Variants in EFHD1 observed in about 807,000 individuals in gnomAD.
The protein encoded by EFHD1 is EF-hand domain family member D1, also known as EF-hand domain-containing protein D1.
Under a neutral mutation model 17.2 loss-of-function variants are expected in EFHD1, and 10 were observed. The ratio of observed to expected loss-of-function variants is 0.58; its 90% CI spans 0.36 to 0.99. The LOEUF (loss-of-function observed/expected upper bound fraction) is 0.99. EFHD1 is among the 50% of genes least tolerant of loss of function. The pLI, the probability that EFHD1 is intolerant of heterozygous loss-of-function variation, is 0.01. For synonymous variants in EFHD1, 153 were observed against 142.0 expected, an observed-to-expected ratio of 1.08 and a Z score of -0.55; for missense variants, 310 against 327.5, an observed-to-expected ratio of 0.95 and a Z score of 0.41.
At chr2:232,622,113 G>T (rs59035839) in intron 1 of EFHD1, among the ~76,000 whole-genome samples, 35,326 of 151,938 alleles carry the variant, frequency 0.23, 4,590 homozygotes, top group East Asian at 0.58. Context: ...TCTACAAAGG[G>T]TAGACAGCCC....
At position 232,676,501 on chromosome 2, in the gene EFHD1, A is replaced by G. The variant is rs138405868; in HGVS notation, c.585+4058A>G. Among the ~76,000 whole-genome samples the G allele has an allele frequency of 2.3e-3, 353 of 152,270 alleles. 6 individuals carry two copies. The highest frequency in any genetic ancestry group is 0.017 in the Admixed American group (266 of 15,284). Reference sequence around the variant, plus strand: ...GAGTAATTTCTTCCACACATGCCCAATTCTGAACCTGCCATTGGAAAACGC... The same window carrying G: ...GAGTAATTTCTTCCACACATGCCCAGTTCTGAACCTGCCATTGGAAAACGC... On this transcript the variant is annotated intron_variant, in intron 3 of 3. Coordinates refer to ENST00000264059, the MANE Select transcript of EFHD1 (RefSeq NM_025202.4).
At chr2:232,678,701 T>A (rs1695222265) in intron 3 of EFHD1, among the ~76,000 whole-genome samples, 1 of 152,200 alleles carries the variant, frequency 6.6e-6, no homozygotes, top group Admixed American at 6.6e-5. Flanking sequence ...GAGAATTGCT[T>A]GAACCTGGGA....
chr2:232,665,049 C>G, intron 2 of EFHD1, among the ~76,000 whole-genome samples: 1 of 151,962 alleles, frequency 6.6e-6, no homozygotes, highest in African/African-American at 2.4e-5. Flanking sequence ...GTAGCTGGAC[C>G]ACAGGCACGT....
chr2:232,657,294 C>A (rs1694780193), intron 1 of EFHD1, among the ~76,000 whole-genome samples: 1 of 152,204 alleles, frequency 6.6e-6, no homozygotes. Context: ...CTCTAGGGAC[C>A]TGATAAGTGA....
intron 1 of EFHD1, among the ~76,000 whole-genome samples, chr2:232,612,324 T>C (rs1693827199): frequency 6.6e-6 from 1 of 152,146 alleles, no homozygotes; most frequent in African/African-American, 2.4e-5. Context: ...GGAGAAAATA[T>C]TTTAAAAGAC....
chr2:232,614,053 T>TAC (rs1693872112), intron 1 of EFHD1, among the ~76,000 whole-genome samples: 4 of 108,074 alleles, frequency 3.7e-5, no homozygotes, highest in African/African-American at 9.2e-5. Flanking sequence ...AACACACACA[T>TAC]ACATACACAT....
intron 1 of EFHD1, among the ~76,000 whole-genome samples, chr2:232,623,545 G>C (rs1042278962): frequency 6.6e-6 from 1 of 151,574 alleles, no homozygotes; most frequent in Non-Finnish European, 1.5e-5. Context: ...GTGGTGGCAG[G>C]TGCCTGTAAT....
chr2:232,614,085 A>ACACACAT (rs1222284073), intron 1 of EFHD1, among the ~76,000 whole-genome samples: 10 of 44,366 alleles, frequency 2.3e-4, no homozygotes, highest in East Asian at 8.3e-4. Context: ...ATACACACAT[A>ACACACAT]TATACACACA....
At chr2:232,647,427 C>T (rs1289611003) in intron 1 of EFHD1, among the ~76,000 whole-genome samples, 2 of 152,226 alleles carry the variant, frequency 1.3e-5, no homozygotes, top group African/African-American at 4.8e-5. Context: ...CACACCCCCT[C>T]GTCGGGGCCT....
intron 1 of EFHD1, among the ~76,000 whole-genome samples, chr2:232,652,611 C>A (rs916491678): frequency 6.6e-6 from 1 of 152,030 alleles, no homozygotes; most frequent in Non-Finnish European, 1.5e-5. Flanking sequence ...TAAAGGCAGG[C>A]GGCTGTGATT....
At chr2:232,636,295 C>G (rs1694319205) in intron 1 of EFHD1, among the ~76,000 whole-genome samples, 1 of 152,176 alleles carries the variant, frequency 6.6e-6, no homozygotes, top group East Asian at 1.9e-4. Flanking sequence ...GGTTCAAACC[C>G]CAGCCCCACC....
At chr2:232,623,668 C>T (rs1185894069) in intron 1 of EFHD1, among the ~76,000 whole-genome samples, 5 of 78,278 alleles carry the variant, frequency 6.4e-5, no homozygotes, top group Admixed American at 4.0e-4. Flanking sequence ...GAGTGAGTCT[C>T]TGTCCAAAAA....
intron 1 of EFHD1, among the ~76,000 whole-genome samples, chr2:232,654,836 T>G (rs1574722523): frequency 6.6e-6 from 1 of 152,178 alleles, no homozygotes; most frequent in African/African-American, 2.4e-5. Flanking sequence ...CCGGCTTATG[T>G]GGGCTGGGAA....
At position 232,617,935 on chromosome 2, in the gene EFHD1, C is replaced by T. The variant is rs1292349334; in HGVS notation, c.14+11762C>T. Among the ~76,000 whole-genome samples the T allele has an allele frequency of 3.9e-5, 5 of 127,022 alleles. No homozygotes were observed. The Admixed American group carries it at 4.4e-4, about 11-fold the overall frequency. The allele number at this position is 127,022 out of a possible 152,430, so 83.3% of individuals were successfully genotyped here. On this transcript the variant is annotated intron_variant, in intron 1 of 3. Transcript: ENST00000409613. Reference sequence around the variant, plus strand: ...CGGCACTCCAGCCTGGGTGGCAGAACAAGACTCAGTCTAAAAAAAAAAAAG... The same window carrying T: ...CGGCACTCCAGCCTGGGTGGCAGAATAAGACTCAGTCTAAAAAAAAAAAAG...
At chr2:232,677,266 CACACACAT>C (rs1463669295) in intron 3 of EFHD1, among the ~76,000 whole-genome samples, 4,194 of 35,282 alleles carry the variant, frequency 0.12, 165 homozygotes, top group East Asian at 0.3. Flanking sequence ...CTTTCTATAA[CACACACAT>C]ACACACACAC....
intron 1 of EFHD1, among the ~76,000 whole-genome samples, chr2:232,618,926 C>T (rs1693973023): frequency 6.6e-6 from 1 of 151,528 alleles, no homozygotes; most frequent in South Asian, 2.1e-4. Context: ...GGTGGATCAC[C>T]TGAGGTCAGA....
At position 232,662,927 on chromosome 2, in the gene EFHD1, A is replaced by G; in HGVS notation, c.428A>G (p.Asp143Gly). The change falls in exon 2 of 4, where the codon GAT becomes GGT. Residue 143 changes from aspartate (D) to glycine (G), a missense_variant. Physicochemically the swap from Asp to Gly is moderately conservative, Grantham distance 94. Coordinates refer to ENST00000264059, the MANE Select transcript of EFHD1 (RefSeq NM_025202.4). ...ATCAAGGAGGTGGATGAGGACTTCG[A>G]TGGCAAGCTCAGCTTCCGGGAGGTA... ...SMIKEVDEDF[D>G]GKLSFREFLL... 6.3e-7 allele frequency: 1 copy of G among 1,590,664 alleles called. No individual in the cohort carries two copies. The highest frequency in any genetic ancestry group is 8.5e-7 in the Non-Finnish European group (1 of 1,171,346).
chr2:232,617,446 G>A (rs898279024), intron 1 of EFHD1, among the ~76,000 whole-genome samples: 90 of 148,342 alleles, frequency 6.1e-4, no homozygotes, highest in African/African-American at 2.1e-3. Flanking sequence ...TCAGGAGATC[G>A]AGACTATCCT....
At chr2:232,672,715 G>A (rs1695102289) in intron 3 of EFHD1, among the ~76,000 whole-genome samples, 3 of 152,196 alleles carry the variant, frequency 2.0e-5, no homozygotes, top group Non-Finnish European at 2.9e-5. Flanking sequence ...GATTAAATGA[G>A]TTCATGTACA....
Sources: allele counts gnomAD v4.1 joint callset (sites outside exome capture counted in the v4.1 genomes callset), GRCh38; gene constraint gnomAD v4.1.1; transcripts MANE v1.5; gene names NCBI Gene and HGNC (gene_info 2026-07-23, HGNC 2026-07-21).